The following CSMD1 variants were observed in gnomAD, a reference collection of about 807,000 sequenced individuals.
The protein encoded by CSMD1 is CUB and sushi domain-containing protein 1.
A neutral mutation model predicts 417.5 loss-of-function variants in CSMD1; 213 were observed. The ratio of observed to expected loss-of-function variants is 0.51; its 90% CI spans 0.46 to 0.57. The LOEUF is 0.57. Among genes scored for constraint, CSMD1 ranks in the 20% least tolerant of loss-of-function variants. The probability of loss-of-function intolerance (pLI) is 0.00; values close to 1 mark genes in which losing one functional copy is unlikely to be tolerated. For missense variants in CSMD1, 6,923 were observed against 4,529.7 expected (o/e 1.53, Z -15.17); for synonymous variants, 2,862 against 1,736.8 (o/e 1.65, Z -16.11).
chr8:4,711,317 G>A (rs1409825555), intron 1 of CSMD1, among the ~76,000 whole-genome samples: 9 of 152,180 alleles, frequency 5.9e-5, no homozygotes, highest in African/African-American at 2.2e-4. Context: ...AAACTGAAGG[G>A]CAAATTAAAC....
intron 30 of CSMD1, among the ~76,000 whole-genome samples, chr8:3,213,255 T>C (rs1797713609): frequency 1.3e-5 from 2 of 152,226 alleles, no homozygotes; most frequent in Non-Finnish European, 2.9e-5. Flanking sequence ...CATCTTAAAA[T>C]AACCCTAGAA....
intron 5 of CSMD1, chr8:3,949,904 A>G (rs1811491950): frequency 2.2e-6 from 1 of 455,732 alleles, no homozygotes; most frequent in Admixed American, 2.4e-5. Context: ...CCTCCATGGG[A>G]AGCTCCAGGT....
At position 3,550,023 on chromosome 8, in the gene CSMD1, A is replaced by G. The variant is rs982089409; in HGVS notation, c.1344+24922T>C. 7.2e-5 allele frequency among the ~76,000 whole-genome samples: 11 copies of G among 152,200 alleles called. No homozygotes were observed. The East Asian group carries it at 9.6e-4, about 13-fold the overall frequency. ...TATGTTTTAATGACCACCTTCTTAC[A>G]TTTAACTCTGATTTTTCTTGTTTCA... On this transcript the variant is annotated intron_variant, in intron 10 of 69. Coordinates refer to ENST00000635120, the MANE Select transcript of CSMD1 (RefSeq NM_033225.6).
intron 10 of CSMD1, among the ~76,000 whole-genome samples, chr8:3,555,623 T>A (rs892269732): frequency 6.6e-6 from 1 of 152,226 alleles, no homozygotes; most frequent in Non-Finnish European, 1.5e-5. Context: ...TTATTTTACA[T>A]ATAAATTTAA....
chr8:4,127,115 C>T (rs1303243837), intron 3 of CSMD1, among the ~76,000 whole-genome samples: 1 of 151,866 alleles, frequency 6.6e-6, no homozygotes, highest in Non-Finnish European at 1.5e-5. Flanking sequence ...TCTGATTCAC[C>T]CAGAGAAATG....
intron 2 of CSMD1, among the ~76,000 whole-genome samples, chr8:4,515,971 C>T (rs1369731139): frequency 1.3e-5 from 2 of 152,144 alleles, no homozygotes; most frequent in South Asian, 2.1e-4. Flanking sequence ...AAAACTTCAC[C>T]TGACAGCTGT....
chr8:4,260,722 T>C (rs1322257193), intron 3 of CSMD1, among the ~76,000 whole-genome samples: 8 of 152,208 alleles, frequency 5.3e-5, no homozygotes, highest in Non-Finnish European at 1.0e-4. Flanking sequence ...TAATATCTTC[T>C]TATAATATTA....
chr8:3,745,253 G>A (rs747504115), intron 6 of CSMD1, among the ~76,000 whole-genome samples: 9 of 152,154 alleles, frequency 5.9e-5, no homozygotes, highest in Admixed American at 3.9e-4. Context: ...TAACTACAAG[G>A]CTCCCCTGGA....
At chr8:4,355,243 G>C (rs1041416033) in intron 3 of CSMD1, among the ~76,000 whole-genome samples, 89 of 151,652 alleles carry the variant, frequency 5.9e-4, no homozygotes, top group African/African-American at 2.1e-3. Context: ...GCCTGGGTAA[G>C]AAACTCCATT....
At chr8:4,825,856 A>G (rs1224961432) in intron 1 of CSMD1, among the ~76,000 whole-genome samples, 1 of 152,072 alleles carries the variant, frequency 6.6e-6, no homozygotes, top group African/African-American at 2.4e-5. Context: ...TTCTCTGAAG[A>G]GATACAATTG....
intron 1 of CSMD1, among the ~76,000 whole-genome samples, chr8:4,712,227 C>A (rs1314641400): frequency 6.6e-6 from 1 of 152,184 alleles, no homozygotes; most frequent in Non-Finnish European, 1.5e-5. Context: ...TACTCATGAT[C>A]CTCAGTGCAA....
rs1430147520 is a variant in CSMD1 at position 3,308,891 on chromosome 8, T to C, written c.3632-388A>G. 3.3e-5 allele frequency among the ~76,000 whole-genome samples: 5 copies of C among 151,970 alleles called. No homozygotes were observed. The East Asian group carries it at 9.7e-4, about 29-fold the overall frequency. The stretch of plus-strand genomic sequence containing the variant: ...GGTGCCTGCCACCATGTCCAGCTAA[T>C]TTTTTGTATTTTTAGTAGAGACGGG... On this transcript the variant is annotated intron_variant, in intron 23 of 69. Coordinates refer to ENST00000635120, the MANE Select transcript of CSMD1 (RefSeq NM_033225.6).
intron 1 of CSMD1, among the ~76,000 whole-genome samples, chr8:4,662,322 G>C (rs1804657803): frequency 6.6e-6 from 1 of 152,128 alleles, no homozygotes; most frequent in African/African-American, 2.4e-5. Flanking sequence ...ATTACTCAGA[G>C]GAAATGAGGG....
At chr8:4,390,752 A>C (rs1803796469) in intron 3 of CSMD1, among the ~76,000 whole-genome samples, 1 of 151,894 alleles carries the variant, frequency 6.6e-6, no homozygotes, top group Non-Finnish European at 1.5e-5. Context: ...TGACCTCGTC[A>C]GGATGGTCTC....
chr8:3,771,305 G>T (rs976535462), intron 5 of CSMD1, among the ~76,000 whole-genome samples: 1 of 152,166 alleles, frequency 6.6e-6, no homozygotes, highest in Non-Finnish European at 1.5e-5. Context: ...GCTTCTGGAA[G>T]CCTTGCTTAC....
At chr8:4,667,847 G>C (rs1805036462) in intron 1 of CSMD1, among the ~76,000 whole-genome samples, 1 of 151,902 alleles carries the variant, frequency 6.6e-6, no homozygotes, top group Non-Finnish European at 1.5e-5. Context: ...ACCTTTTATA[G>C]CTTTTTCTAG....
At chr8:4,764,895 C>CAAAACAAAACAAAACAAAAA (rs763804321) in intron 1 of CSMD1, among the ~76,000 whole-genome samples, 15 of 30,572 alleles carry the variant, frequency 4.9e-4, no homozygotes, top group African/African-American at 1.9e-3. Flanking sequence ...AAAAAAAAAA[C>CAAAACAAAACAAAACAAAAA]AACAACAACA....
At chr8:4,743,195 C>T (rs559933771) in intron 1 of CSMD1, among the ~76,000 whole-genome samples, 1 of 152,132 alleles carries the variant, frequency 6.6e-6, no homozygotes, top group East Asian at 1.9e-4. Context: ...AGAAAAATAG[C>T]CAAACTTTTG....
At chr8:3,670,710 T>C (rs1473942310) in intron 7 of CSMD1, among the ~76,000 whole-genome samples, 1 of 146,526 alleles carries the variant, frequency 6.8e-6, no homozygotes, top group African/African-American at 2.5e-5. Flanking sequence ...ATGGGATATA[T>C]ATGTATATGG....
Sources: allele counts gnomAD v4.1 joint callset (sites outside exome capture counted in the v4.1 genomes callset), GRCh38; gene constraint gnomAD v4.1.1; transcripts MANE v1.5; gene names NCBI Gene and HGNC (gene_info 2026-07-23, HGNC 2026-07-21).